CXCL13: variants seen among roughly 807,000 people sequenced by gnomAD.
CXCL13 encodes the protein C-X-C motif chemokine ligand 13.
In CXCL13, 7 loss-of-function variants were observed where a neutral mutation model predicts 12.2. The ratio of observed to expected loss-of-function variants is 0.57; its 90% CI spans 0.33 to 1.07. The LOEUF (loss-of-function observed/expected upper bound fraction) is 1.07, where lower values mean the gene tolerates loss of function less well. CXCL13 is among the 50% of genes least tolerant of loss of function. The pLI, the probability that CXCL13 is intolerant of heterozygous loss-of-function variation, is 0.04. For synonymous variants in CXCL13, 47 were observed against 42.4 expected (o/e 1.11, Z -0.42); for missense variants, 113 against 127.4 (o/e 0.89, Z 0.55).
rs549229897 is a variant in CXCL13, at chr4:77,548,955, A to G, written c.-43+37167A>G. Among the ~76,000 whole-genome samples, 19 of 152,258 alleles carry G rather than the reference A, an allele frequency of 1.2e-4. No individual in the cohort carries two copies. In the East Asian group the frequency reaches 2.9e-3, roughly 23 times the overall value. ...TTTCCAACTTGGTTCCATTCTCCTC[A>G]TCACTTTCAGGTATACCAATCAAAT... On this transcript the variant is annotated intron_variant, in intron 1 of 4. Coordinates refer to the CXCL13 transcript ENST00000286758.
In CXCL13 at chr4:77,611,598, A is replaced by C; in HGVS notation, c.*559A>C. On this transcript the variant is annotated 3_prime_UTR_variant, in exon 4 of 4. Coordinates refer to ENST00000682537, the MANE Select transcript of CXCL13 (RefSeq NM_001371558.1). ...AATTTCTTTATAAAATTTACTGTCT[A>C]AGATTAATAGCATTCGAAGATCCCC... 1 of 398,442 alleles carries C rather than the reference A, an allele frequency of 2.5e-6. No homozygotes were observed. The highest frequency in any genetic ancestry group is 3.6e-5 in the East Asian group (1 of 28,076). 24.7% of individuals were successfully genotyped at this position (398,442 alleles called of 1,614,324 possible).
intron 1 of CXCL13, among the ~76,000 whole-genome samples, chr4:77,576,498 A>C (rs1219152703): frequency 6.6e-6 from 1 of 152,202 alleles, no homozygotes; most frequent in Non-Finnish European, 1.5e-5. Context: ...TGCAAAGCTG[A>C]TAAAAGCCCC....
intron 1 of CXCL13, among the ~76,000 whole-genome samples, chr4:77,606,614 AT>A (rs1727009562): frequency 2.0e-5 from 3 of 152,066 alleles, no homozygotes; most frequent in African/African-American, 7.2e-5. Context: ...TTCACATGTT[AT>A]TTTCACTCTT....
intron 1 of CXCL13, among the ~76,000 whole-genome samples, chr4:77,532,945 T>A (rs1724965895): frequency 6.6e-6 from 1 of 151,774 alleles, no homozygotes; most frequent in Non-Finnish European, 1.5e-5. Flanking sequence ...CATCTAATTT[T>A]TTTTTAGGTT....
intron 1 of CXCL13, among the ~76,000 whole-genome samples, chr4:77,532,948 T>A (rs909187588): frequency 2.6e-5 from 4 of 151,796 alleles, no homozygotes; most frequent in African/African-American, 9.7e-5. Flanking sequence ...CTAATTTTTT[T>A]TTAGGTTTTT....
At chr4:77,514,682 G>A (rs1327454102) in intron 1 of CXCL13, among the ~76,000 whole-genome samples, 5 of 151,484 alleles carry the variant, frequency 3.3e-5, no homozygotes, top group African/African-American at 4.9e-5. Context: ...ATTTGTTTGA[G>A]TTCATTGTAG....
intron 1 of CXCL13, among the ~76,000 whole-genome samples, chr4:77,552,337 A>T (rs1461727353): frequency 6.6e-6 from 1 of 151,900 alleles, no homozygotes; most frequent in African/African-American, 2.4e-5. Context: ...AGAGAATCCT[A>T]GGTAGGGTCC....
At chr4:77,593,785 T>C (rs1250484217) in intron 1 of CXCL13, among the ~76,000 whole-genome samples, 2 of 152,162 alleles carry the variant, frequency 1.3e-5, no homozygotes, top group Non-Finnish European at 2.9e-5. Flanking sequence ...GAAGAACATA[T>C]GTCACAGTGG....
At chr4:77,575,691 T>A (rs1440204394) in intron 1 of CXCL13, among the ~76,000 whole-genome samples, 1 of 151,766 alleles carries the variant, frequency 6.6e-6, no homozygotes, top group Non-Finnish European at 1.5e-5. Context: ...CTTCCCAGAA[T>A]CAAACTTCAG....
intron 1 of CXCL13, among the ~76,000 whole-genome samples, chr4:77,606,528 C>T (rs75719384): frequency 0.01 from 1,559 of 152,314 alleles, 30 homozygotes; most frequent in African/African-American, 0.035. Context: ...AGAAAGAAGC[C>T]TTCTGCTCAG....
intron 1 of CXCL13, among the ~76,000 whole-genome samples, chr4:77,526,971 G>A (rs1403783098): frequency 6.6e-6 from 1 of 152,174 alleles, no homozygotes. Context: ...GAACATGGTA[G>A]GCAATTTGGT....
chr4:77,535,374 G>T (rs190034072), intron 1 of CXCL13, among the ~76,000 whole-genome samples: 1 of 152,082 alleles, frequency 6.6e-6, no homozygotes, highest in Non-Finnish European at 1.5e-5. Context: ...AGCCATGCTT[G>T]TATATACAAA....
chr4:77,551,684 C>T (rs1005073839), intron 1 of CXCL13, among the ~76,000 whole-genome samples: 9 of 152,150 alleles, frequency 5.9e-5, no homozygotes, highest in East Asian at 1.9e-4. Context: ...CCCTGAAATA[C>T]GTTTATTTTC....
At chr4:77,525,527 A>T (rs1456360845) in intron 1 of CXCL13, among the ~76,000 whole-genome samples, 1 of 152,086 alleles carries the variant, frequency 6.6e-6, no homozygotes, top group Non-Finnish European at 1.5e-5. Flanking sequence ...TTTTTCTATG[A>T]ATCTTGATTA....
intron 1 of CXCL13, among the ~76,000 whole-genome samples, chr4:77,564,604 T>G (rs149648698): frequency 0.018 from 2,743 of 152,346 alleles, 36 homozygotes; most frequent in Middle Eastern, 0.031. Context: ...CTTTAAGGCA[T>G]GTGCTATTAT....
chr4:77,580,872 G>A (rs1177068064), intron 1 of CXCL13, among the ~76,000 whole-genome samples: 2 of 141,952 alleles, frequency 1.4e-5, no homozygotes, highest in African/African-American at 5.3e-5. Flanking sequence ...CTCTTCTCCT[G>A]TGATGAGACC....
intron 1 of CXCL13, among the ~76,000 whole-genome samples, chr4:77,523,132 G>T (rs1166562064): frequency 6.6e-6 from 1 of 152,124 alleles, no homozygotes; most frequent in Non-Finnish European, 1.5e-5. Context: ...CTCTCTGGCT[G>T]CCCTTAACAT....
intron 2 of CXCL13, among the ~76,000 whole-genome samples, chr4:77,610,188 T>C (rs971117583): frequency 2.0e-5 from 3 of 152,066 alleles, no homozygotes; most frequent in African/African-American, 7.3e-5. Flanking sequence ...TTTTTTTCAG[T>C]GAAATTCAGG....
At chr4:77,596,576 G>C (rs1726753714) in intron 1 of CXCL13, among the ~76,000 whole-genome samples, 2 of 152,082 alleles carry the variant, frequency 1.3e-5, no homozygotes, top group Non-Finnish European at 2.9e-5. Context: ...CCTGAGGTCA[G>C]GAGTTAGAGA....
Sources: gnomAD v4.1 joint callset for allele counts (sites outside exome capture counted in the v4.1 genomes callset) on GRCh38, gnomAD v4.1.1 for gene constraint, MANE v1.5 for transcripts, NCBI Gene and HGNC (gene_info 2026-07-23, HGNC 2026-07-21) for gene names.